The following EWSR1 variants were observed in gnomAD, a reference collection of about 807,000 sequenced individuals.
EWSR1 encodes EWS RNA binding protein 1, also known as RNA-binding protein EWS.
In EWSR1, 14 loss-of-function variants were observed where a neutral mutation model predicts 92.1. The observed-to-expected ratio is 0.15, with a 90% confidence interval of 0.10 to 0.24. The LOEUF (loss-of-function observed/expected upper bound fraction) is 0.24. Ranked by LOEUF, EWSR1 falls within the 10% of genes least tolerant of loss-of-function variation. The pLI is 1.00. For synonymous variants in EWSR1, 303 were observed against 292.9 expected, an observed-to-expected ratio of 1.03 and a Z score of -0.35; for missense variants, 637 against 870.9, an observed-to-expected ratio of 0.73 and a Z score of 3.38.
intron 10 of EWSR1, 98 bp downstream of exon 10, chr22:29,292,267 G>GT (rs1339792846): frequency 8.0e-7 from 1 of 1,246,654 alleles, no homozygotes; most frequent in Non-Finnish European, 1.2e-6. Context: ...ATAGACCAGT[G>GT]TGATATTCTT....
intron 5 of EWSR1, 64 bp downstream of exon 5, chr22:29,278,280 A>G (rs2059274809): frequency 2.7e-6 from 4 of 1,481,066 alleles, no homozygotes; most frequent in South Asian, 2.5e-5. Context: ...AACTGTGTAC[A>G]CTTAAAATAA....
intron 4 of EWSR1, chr22:29,276,090 C>A (rs1385798965): frequency 4.3e-6 from 1 of 231,760 alleles, no homozygotes; most frequent in South Asian, 1.8e-4. Flanking sequence ...ACTGTTGCTG[C>A]ATAGTTTTAT....
At chr22:29,298,398 C>CGGGAGGCT (rs1031490949) in intron 13 of EWSR1, among the ~76,000 whole-genome samples, 1 of 151,220 alleles carries the variant, frequency 6.6e-6, no homozygotes, top group African/African-American at 2.4e-5. Context: ...CCCAGCTACT[C>CGGGAGGCT]GGGAGGCTGA....
At position 29,300,076 on chromosome 22, in the gene EWSR1, CCTCACCCCTTCCCATT is replaced by C. The variant is rs2061229737; in HGVS notation, c.1932-43_1932-28del. 4 of 1,564,312 alleles carry C rather than the reference CCTCACCCCTTCCCATT, an allele frequency of 2.6e-6. No individual in the cohort carries two copies. In the Admixed American group the frequency reaches 7.2e-5, roughly 28 times the overall value. ...GCACCTGGGGGCTCTGGAAGGGCTT[CCTCACCCCTTCCCATT>C]CTAACCGAAGGGCCCTCTTTACCTT... On this transcript the variant is annotated intron_variant, in intron 16 of 16. Coordinates refer to ENST00000397938, the MANE Select transcript of EWSR1 (RefSeq NM_005243.4).
intron 5 of EWSR1, among the ~76,000 whole-genome samples, chr22:29,280,400 A>G (rs573320508): frequency 1.8e-4 from 27 of 152,258 alleles, no homozygotes; most frequent in African/African-American, 2.4e-4. Context: ...TGCTTAAAAT[A>G]TTAATAGCTC....
intron 14 of EWSR1, 47 bp downstream of exon 14, chr22:29,298,942 C>T: frequency 6.7e-7 from 1 of 1,502,250 alleles, no homozygotes; most frequent in Non-Finnish European, 8.9e-7. Flanking sequence ...TGAAGCCACC[C>T]TTCCCTCACC....
intron 2 of EWSR1, 54 bp downstream of exon 2, chr22:29,272,306 T>C (rs2058744625): frequency 1.9e-6 from 3 of 1,611,304 alleles, no homozygotes; most frequent in East Asian, 4.5e-5. Context: ...TTTTTGAATA[T>C]GGAGCCTTCT....
chr22:29,290,025 G>T (rs953976008), intron 8 of EWSR1: 1 of 235,330 alleles, frequency 4.2e-6, no homozygotes, highest in Non-Finnish European at 8.3e-6. Context: ...AGAATTCCTA[G>T]TATTTTTAAA....
At position 29,299,701 on chromosome 22, in the gene EWSR1, G is replaced by T. The variant is rs756154356; in HGVS notation, c.1781G>T (p.Gly594Val). 5 of 1,612,792 alleles carry T rather than the reference G, an allele frequency of 3.1e-6. No individual in the cohort carries two copies. Among genetic ancestry groups the T allele is most frequent in the Non-Finnish European group, 4.2e-6 (5 of 1,179,390 alleles). Residue 594 changes from glycine to valine, a missense_variant, in exon 16 of 17, where the codon GGA becomes GTA. Physicochemically the swap from Gly to Val is moderately radical, Grantham distance 109. Coordinates refer to ENST00000397938, the MANE Select transcript of EWSR1 (RefSeq NM_005243.4). Reference sequence around the variant, plus strand: ...GGAATGTTCAGAGGTGGCCGTGGTGGAGACAGAGGTGGCTTCCGTGGTGGC... The same window carrying T: ...GGAATGTTCAGAGGTGGCCGTGGTGTAGACAGAGGTGGCTTCCGTGGTGGC... ...PGGMFRGGRG[G>V]DRGGFRGGRG...
Position 29,299,662 on chromosome 22 carries a change from G to T in EWSR1, c.1742G>T (p.Arg581Leu). Reference sequence around the variant, plus strand: ...GGAGGAAGAGGTGGCCTCATGGATCGTGGTGGTCCCGGTGGAATGTTCAGA... The same window carrying T: ...GGAGGAAGAGGTGGCCTCATGGATCTTGGTGGTCCCGGTGGAATGTTCAGA... ...MRGGRGGLMD[R>L]GGPGGMFRGG... is the part of the protein sequence containing the mutation. Residue 581 changes from arginine to leucine, a missense_variant, in exon 16 of 17, where the codon CGT becomes CTT. Physicochemically the swap from Arg to Leu is moderately radical, Grantham distance 102. Transcript: ENST00000397938. The T allele has an allele frequency of 6.2e-7, 1 of 1,611,758 alleles. No individual in the cohort carries two copies. Among genetic ancestry groups the T allele is most frequent in the Non-Finnish European group, 8.5e-7 (1 of 1,178,992 alleles).
At position 29,287,146 on chromosome 22, in the gene EWSR1, A is replaced by C; in HGVS notation, c.793+12A>C. 1 of 1,612,716 alleles carries C rather than the reference A, an allele frequency of 6.2e-7. No individual in the cohort carries two copies. Among genetic ancestry groups the C allele is most frequent in the Non-Finnish European group, 8.5e-7 (1 of 1,179,000 alleles). On this transcript the variant is annotated intron_variant, in intron 7 of 16. Coordinates refer to ENST00000397938, the MANE Select transcript of EWSR1 (RefSeq NM_005243.4). Reference sequence around the variant, plus strand: ...CTACGGGCAGCAGAGTGAGTTGCTAAGAGAGAAAACCAAATAAGAATGAAT... The same window carrying C: ...CTACGGGCAGCAGAGTGAGTTGCTACGAGAGAAAACCAAATAAGAATGAAT...
At chr22:29,298,942 C>G in intron 14 of EWSR1, 47 bp downstream of exon 14, 5 of 1,502,250 alleles carry the variant, frequency 3.3e-6, no homozygotes, top group Non-Finnish European at 4.4e-6. Flanking sequence ...TGAAGCCACC[C>G]TTCCCTCACC....
chr22:29,274,301 T>G (rs897502261), intron 4 of EWSR1: 6 of 1,613,482 alleles, frequency 3.7e-6, no homozygotes, highest in Middle Eastern at 1.6e-4. Context: ...ATCCTGCTCA[T>G]TCTTGCATGG....
rs140505486 is a variant in EWSR1 at position 29,272,229 on chromosome 22, T to C, written c.27T>C (p.Tyr9=). 9.0e-4 allele frequency: 1,445 copies of C among 1,614,010 alleles called. 2 individuals carry two copies. Among genetic ancestry groups the C allele is most frequent in the Non-Finnish European group, 1.1e-3 (1,293 of 1,179,960 alleles). Residue 9 remains tyrosine, a synonymous_variant, in exon 2 of 17, where the codon TAT becomes TAC. Transcript: ENST00000397938. ...GTTTTCCTCTAGATTACAGTACCTA[T>C]AGCCAAGCTGCAGCGCAGCAGGGGT... MASTDYST[Y]SQAAAQQGYS...
chr22:29,281,589 G>A (rs538377330), intron 5 of EWSR1, among the ~76,000 whole-genome samples: 1 of 152,054 alleles, frequency 6.6e-6, no homozygotes, highest in Admixed American at 6.5e-5. Context: ...TTTTTTGTTT[G>A]TTTGTTTTTG....
In EWSR1 at chr22:29,278,105, C is replaced by G; in HGVS notation, c.302C>G (p.Thr101Ser). The stretch of plus-strand genomic sequence containing the variant: ...TATGGCACTGGTGCTTATGATACCA[C>G]CACTGCTACAGTCACCACCACCCAG... ...QGYGTGAYDT[T>S]TATVTTTQAS... is the part of the protein sequence containing the mutation. Residue 101 changes from threonine to serine, a missense_variant, in exon 5 of 17, where the codon ACC becomes AGC. Physicochemically the swap from Thr to Ser is moderately conservative, Grantham distance 58. Transcript: ENST00000397938. 6.2e-7 allele frequency: 1 copy of G among 1,614,116 alleles called. No individual in the cohort carries two copies. The highest frequency in any genetic ancestry group is 1.6e-4 in the Middle Eastern group (1 of 6,062).
chr22:29,289,141 G>T (rs2060259545), intron 8 of EWSR1: 1 of 256,588 alleles, frequency 3.9e-6, no homozygotes, highest in African/African-American at 2.2e-5. Flanking sequence ...TTAACTAACT[G>T]CCTTTGAATG....
Position 29,300,359 on chromosome 22 carries a change from C to A in EWSR1, c.*198C>A. 1.9e-6 allele frequency: 1 copy of A among 533,914 alleles called. No homozygotes were observed. Among genetic ancestry groups the A allele is most frequent in the Non-Finnish European group, 3.3e-6 (1 of 304,686 alleles). 33.1% of individuals were successfully genotyped at this position (533,914 alleles called of 1,614,324 possible). ...GTAGTGTGCGGAGTTTTTTTTTCTT[C>A]CTTCTTTTAAAAATGGTTGTTTAAG... On this transcript the variant is annotated 3_prime_UTR_variant, in exon 17 of 17. Coordinates refer to ENST00000397938, the MANE Select transcript of EWSR1 (RefSeq NM_005243.4).
chr22:29,277,183 G>A (rs2040127442), intron 4 of EWSR1: 1 of 225,546 alleles, frequency 4.4e-6, no homozygotes. Context: ...CTGACACCTG[G>A]TTAGTGAAAT....
Sources: gnomAD v4.1 joint callset for allele counts (sites outside exome capture counted in the v4.1 genomes callset) on GRCh38, gnomAD v4.1.1 for gene constraint, MANE v1.5 for transcripts, NCBI Gene and HGNC (gene_info 2026-07-23, HGNC 2026-07-21) for gene names.